Variants in TOMM34 observed in about 807,000 individuals in gnomAD.
TOMM34 encodes the protein translocase of outer mitochondrial membrane 34.
In TOMM34, 24 loss-of-function variants were observed where a neutral mutation model predicts 37.4. The ratio of observed to expected loss-of-function variants is 0.64; its 90% CI spans 0.46 to 0.90. TOMM34 has a LOEUF of 0.90. TOMM34 is among the 40% of genes least tolerant of loss of function. The pLI is 0.00. For synonymous variants in TOMM34, 154 were observed against 148.9 expected, an observed-to-expected ratio of 1.03 and a Z score of -0.25; for missense variants, 304 against 375.6, an observed-to-expected ratio of 0.81 and a Z score of 1.58.
At chr20:44,944,656 G>A (rs1256800505) in intron 5 of TOMM34, among the ~76,000 whole-genome samples, 1 of 152,134 alleles carries the variant, frequency 6.6e-6, no homozygotes, top group Non-Finnish European at 1.5e-5. Context: ...TTTGAGACCA[G>A]CCTGGGCAAC....
chr20:44,960,228 G>A lies in TOMM34; in HGVS notation c.106C>T (p.Leu36=). 6.4e-7 allele frequency: 1 copy of A among 1,561,604 alleles called. No homozygotes were observed. Among genetic ancestry groups the A allele is most frequent in the Non-Finnish European group, 8.7e-7 (1 of 1,154,014 alleles). The change falls in exon 1 of 7, where the codon CTG becomes TTG. Residue 36 remains leucine (L), a synonymous_variant. Transcript: ENST00000372813. ...AEASALYGRA[L]RVLQAQGSSD... is the part of the protein sequence containing the mutation. ...GTACCTTGCGCCTGCAGCACCCGCA[G>A]CGCGCGGCCGTAGAGCGCGGAGGCC...
rs145616616 is a variant in TOMM34, at chr20:44,958,144, ATG to A, written c.128-1661_128-1660del. Among the ~76,000 whole-genome samples, 60 of 146,866 alleles carry A rather than the reference ATG, an allele frequency of 4.1e-4. 2 individuals carry two copies. Among genetic ancestry groups the A allele is most frequent in the Admixed American group, 5.5e-4 (8 of 14,528 alleles). ...TGTATATATATGTATATGTATATATATGTGTGTGTGTGTGTGTGTGTTAACAG... is the reference window on the plus strand; with the variant it reads ...TGTATATATATGTATATGTATATATATGTGTGTGTGTGTGTGTGTTAACAG... On this transcript the variant is annotated intron_variant, in intron 1 of 6. Transcript: ENST00000372813.
intron 1 of TOMM34, among the ~76,000 whole-genome samples, chr20:44,958,117 C>CATGTATATATGTGTAT (rs2067091031): frequency 6.8e-6 from 1 of 146,376 alleles, no homozygotes; most frequent in Non-Finnish European, 1.5e-5. Flanking sequence ...TATACATGTA[C>CATGTATATATGTGTAT]ATGTATATAT....
intron 5 of TOMM34, among the ~76,000 whole-genome samples, chr20:44,948,524 C>T (rs2066999547): frequency 6.6e-6 from 1 of 152,180 alleles, no homozygotes; most frequent in South Asian, 2.1e-4. Flanking sequence ...CCAACAAAGC[C>T]CAGGCTACCA....
chr20:44,957,069 A>C (rs1012563773), intron 1 of TOMM34, among the ~76,000 whole-genome samples: 2 of 152,210 alleles, frequency 1.3e-5, no homozygotes, highest in African/African-American at 4.8e-5. Context: ...CAGAGAACTT[A>C]ATCAGGAAAA....
chr20:44,948,961 C>A, intron 4 of TOMM34, 84 bp from the exon 5 acceptor site: 1 of 1,500,012 alleles, frequency 6.7e-7, no homozygotes, highest in South Asian at 1.3e-5. Flanking sequence ...TCGTCCCTTC[C>A]AAACTGACTA....
chr20:44,951,990 A>G lies in TOMM34; in HGVS notation c.393T>C (p.Ala131=). 1 of 1,606,008 alleles carries G rather than the reference A, an allele frequency of 6.2e-7. No individual in the cohort carries two copies. The part of the protein sequence containing the change: ...AVEGINRMTR[A]LMDSLGPEWR... ...ACTCAGGCCCAAGCGAGTCCATGAG[A>G]GCTCTGGTCATTCTGGAAAAGAAGG... is the stretch of plus-strand genomic sequence containing the variant. The change falls in exon 4 of 7, where the codon GCT becomes GCC. Residue 131 remains alanine (A), a synonymous_variant. Transcript: ENST00000372813.
chr20:44,954,984 G>T (rs971573577), intron 3 of TOMM34, 84 bp downstream of exon 3: 1 of 1,526,432 alleles, frequency 6.6e-7, no homozygotes, highest in Non-Finnish European at 8.9e-7. Context: ...GATCCCCTCA[G>T]AAGACAGACA....
intron 5 of TOMM34, among the ~76,000 whole-genome samples, chr20:44,947,956 G>A (rs2066994626): frequency 6.6e-6 from 1 of 152,178 alleles, no homozygotes; most frequent in African/African-American, 2.4e-5. Context: ...ATTTGGTTTT[G>A]ATATGGTCTC....
chr20:44,947,508 T>G (rs1314339131), intron 5 of TOMM34, among the ~76,000 whole-genome samples: 1 of 151,276 alleles, frequency 6.6e-6, no homozygotes, highest in Non-Finnish European at 1.5e-5. Flanking sequence ...AAACACTTCT[T>G]TTTTTTTTGT....
In TOMM34 at chr20:44,942,651, T is replaced by C. The variant is rs374620639; in HGVS notation, c.*458A>G. ...GCCCTGGAGAACCAGCTCAACAGGC[T>C]GCTTTGGATCAGGGCCTTAGGTTTA... is the stretch of plus-strand genomic sequence containing the variant. On this transcript the variant is annotated 3_prime_UTR_variant, in exon 7 of 7. Transcript: ENST00000372813. 25 of 182,708 alleles carry C rather than the reference T, an allele frequency of 1.4e-4. 1 individual carries two copies. The East Asian group carries it at 3.7e-3, about 27-fold the overall frequency. The allele number at this position is 182,708 out of a possible 1,614,324, so 11.3% of individuals were successfully genotyped here.
chr20:44,958,103 T>C (rs1199882468), intron 1 of TOMM34, among the ~76,000 whole-genome samples: 4 of 150,996 alleles, frequency 2.6e-5, no homozygotes. Flanking sequence ...TATATGTATA[T>C]ATGTATACAT....
chr20:44,955,019 G>C (rs372616235), intron 3 of TOMM34, 49 bp downstream of exon 3: 15 of 1,597,090 alleles, frequency 9.4e-6, no homozygotes, highest in Non-Finnish European at 1.3e-5. Context: ...AGCCAATCAA[G>C]AAGGACAGGG....
rs1011199596 is a variant in TOMM34 at position 44,943,037 on chromosome 20, G to C, written c.*72C>G. 2.0e-5 allele frequency: 29 copies of C among 1,462,830 alleles called. No homozygotes were observed. The highest frequency in any genetic ancestry group is 4.5e-4 in the Middle Eastern group (2 of 4,436). The allele number at this position is 1,462,830 out of a possible 1,614,324, so 90.6% of individuals were successfully genotyped here. On this transcript the variant is annotated 3_prime_UTR_variant, in exon 7 of 7. Transcript: ENST00000372813. ...TTGGGGCATGCTGGGTTTCAGGAGC[G>C]GGCACAGAGCAGGTGGCCCATGGCT...
At chr20:44,950,257 T>C (rs1056358134) in intron 4 of TOMM34, among the ~76,000 whole-genome samples, 1 of 152,222 alleles carries the variant, frequency 6.6e-6, no homozygotes, top group African/African-American at 2.4e-5. Flanking sequence ...CCAAGGATTC[T>C]CCTTCCTTCC....
rs577141828 is a variant in TOMM34, at chr20:44,950,434, G to A, written c.550+1399C>T. On this transcript the variant is annotated intron_variant, in intron 4 of 6. Coordinates refer to ENST00000372813, the MANE Select transcript of TOMM34 (RefSeq NM_006809.5). ...CCTCCTCCTTGTGTTTTAAGACACT[G>A]TTTACATGTCTCAGTCCCTCAACTG... 2.1e-3 allele frequency among the ~76,000 whole-genome samples: 327 copies of A among 152,288 alleles called. 2 individuals are homozygous for A. Among genetic ancestry groups the A allele is most frequent in the African/African-American group, 7.5e-3 (310 of 41,556 alleles).
At position 44,951,815 on chromosome 20, in the gene TOMM34, C is replaced by A; in HGVS notation, c.550+18G>T. On this transcript the variant is annotated intron_variant, in intron 4 of 6. Coordinates refer to ENST00000372813, the MANE Select transcript of TOMM34 (RefSeq NM_006809.5). ...TAGTGGGAGATTGCAAGACTCTGGG[C>A]AGGGAGTCACAGCTCACCTCTGTTC... is the stretch of plus-strand genomic sequence containing the variant. 6.2e-7 allele frequency: 1 copy of A among 1,607,280 alleles called. No individual in the cohort carries two copies. The highest frequency in any genetic ancestry group is 8.5e-7 in the Non-Finnish European group (1 of 1,175,878).
chr20:44,955,798 T>C (rs2067067038), intron 2 of TOMM34, among the ~76,000 whole-genome samples: 1 of 152,180 alleles, frequency 6.6e-6, no homozygotes, highest in Non-Finnish European at 1.5e-5. Context: ...CTCTCCTGGC[T>C]ATCACCAGGG....
chr20:44,958,865 G>A (rs145778288), intron 1 of TOMM34: 2 of 151,260 alleles, frequency 1.3e-5, no homozygotes, highest in African/African-American at 4.9e-5. Context: ...TGGGCCTAAA[G>A]GAGAGTTTTC....
Sources: gnomAD v4.1 joint callset for allele counts (sites outside exome capture counted in the v4.1 genomes callset) on GRCh38, gnomAD v4.1.1 for gene constraint, MANE v1.5 for transcripts, NCBI Gene and HGNC (gene_info 2026-07-23, HGNC 2026-07-21) for gene names.